The following NBAS variants were observed in gnomAD, a reference collection of about 807,000 sequenced individuals.
NBAS encodes NBAS subunit of NRZ tethering complex.
A neutral mutation model predicts 302.5 loss-of-function variants in NBAS; 219 were observed. That is an observed-to-expected ratio of 0.72 (90% CI 0.65 to 0.81). The LOEUF (loss-of-function observed/expected upper bound fraction) is 0.81, where lower values mean the gene tolerates loss of function less well. NBAS is among the 30% of genes least tolerant of loss of function. NBAS has a pLI of 0.00. For synonymous variants in NBAS, 1,118 were observed against 1,021.6 expected (o/e 1.09, Z -1.80); for missense variants, 2,932 against 2,841.6 (o/e 1.03, Z -0.72).
At chr2:15,190,990 T>C (rs1234444789) in intron 48 of NBAS, among the ~76,000 whole-genome samples, 2 of 152,168 alleles carry the variant, frequency 1.3e-5, no homozygotes, top group African/African-American at 2.4e-5. Flanking sequence ...TTTCATTGAA[T>C]AACTAAACGA....
intron 49 of NBAS, 62 bp downstream of exon 49, chr2:15,190,201 AT>A: frequency 6.3e-7 from 1 of 1,584,408 alleles, no homozygotes; most frequent in South Asian, 1.1e-5. Flanking sequence ...AAGGTGCTAC[AT>A]TTTTAGGGCT....
intron 6 of NBAS, among the ~76,000 whole-genome samples, chr2:15,543,118 T>G (rs1281657573): frequency 6.6e-6 from 1 of 152,216 alleles, no homozygotes; most frequent in Admixed American, 6.5e-5. Flanking sequence ...ACACTGATGG[T>G]AAAAGTTAAC....
At chr2:15,234,514 GT>G (rs1667506822) in intron 46 of NBAS, 30 bp downstream of exon 46, 1 of 1,608,264 alleles carries the variant, frequency 6.2e-7, no homozygotes. Context: ...TGTCACCCCA[GT>G]TTTTCCACAA....
At chr2:15,442,966 C>A (rs1475953979) in intron 21 of NBAS, among the ~76,000 whole-genome samples, 5 of 152,286 alleles carry the variant, frequency 3.3e-5, no homozygotes, top group African/African-American at 1.2e-4. Flanking sequence ...GAAGTCGAAT[C>A]TCTGAATAGA....
chr2:15,529,739 A>C (rs1471010539), intron 9 of NBAS, among the ~76,000 whole-genome samples: 2 of 152,180 alleles, frequency 1.3e-5, no homozygotes, highest in African/African-American at 4.8e-5. Context: ...AGTCTATCCC[A>C]TTTCTAACAG....
chr2:15,041,839 A>AT, the NBAS span, among the ~76,000 whole-genome samples: 1 of 151,856 alleles, frequency 6.6e-6, no homozygotes, highest in Admixed American at 6.6e-5. Context: ...TTGGTGTTCT[A>AT]TTTTTTTCTT....
At chr2:14,810,251 G>C in the NBAS span, among the ~76,000 whole-genome samples, 3 of 152,150 alleles carry the variant, frequency 2.0e-5, no homozygotes, top group Non-Finnish European at 4.4e-5. Context: ...CCAGGGGCAG[G>C]ATGATATGGT....
chr2:15,067,383 A>AGGAGGGGAGG, the NBAS span, among the ~76,000 whole-genome samples: 7 of 60,862 alleles, frequency 1.2e-4, no homozygotes, highest in African/African-American at 5.3e-4. Context: ...AGGAGAGGAG[A>AGGAGGGGAGG]GGAGGGGAGG....
chr2:14,954,718 G>A, the NBAS span, among the ~76,000 whole-genome samples: 1 of 152,106 alleles, frequency 6.6e-6, no homozygotes, highest in Admixed American at 6.5e-5. Context: ...AGCAAAAGGG[G>A]AAGCCCCTTA....
At chr2:15,240,446 C>CAAA (rs1175235771) in intron 44 of NBAS, among the ~76,000 whole-genome samples, 13,807 of 75,010 alleles carry the variant, frequency 0.18, 905 homozygotes, top group East Asian at 0.32. Context: ...ACTAAAAATA[C>CAAA]AAAAAAAAAA....
rs115633905 is a variant in NBAS at position 15,479,464 on chromosome 2, C to T, written c.1084-1175G>A. On this transcript the variant is annotated intron_variant, in intron 12 of 51. Coordinates refer to ENST00000281513, the MANE Select transcript of NBAS (RefSeq NM_015909.4). ...CCACATGCATGCCACCATGTATTTA[C>T]GTGGCACATGTACCTTCCTACTTAC... is the stretch of plus-strand genomic sequence containing the variant. Among the ~76,000 whole-genome samples the T allele has an allele frequency of 6.1e-3, 924 of 152,198 alleles. 10 individuals are homozygous for T. The highest frequency in any genetic ancestry group is 0.02 in the African/African-American group (831 of 41,516).
intron 44 of NBAS, among the ~76,000 whole-genome samples, chr2:15,268,357 G>C (rs886262898): frequency 3.3e-5 from 5 of 152,220 alleles, no homozygotes; most frequent in Non-Finnish European, 5.9e-5. Context: ...GGTTACGGAG[G>C]CTCTGAGAGT....
In NBAS at chr2:15,473,166, C is replaced by A. The variant is rs910477910; in HGVS notation, c.1725+56G>T. On this transcript the variant is annotated intron_variant, in intron 16 of 51. Coordinates refer to ENST00000281513, the MANE Select transcript of NBAS (RefSeq NM_015909.4). ...GTACTCTAAAATGAAGCCCTATAAA[C>A]AAAAGATATTACATGAATATACATT... 92 of 1,588,836 alleles carry A rather than the reference C, an allele frequency of 5.8e-5. No individual in the cohort carries two copies. The African/African-American group carries it at 1.0e-3, about 18-fold the overall frequency.
At chr2:15,093,246 T>C in the NBAS span, among the ~76,000 whole-genome samples, 1 of 152,096 alleles carries the variant, frequency 6.6e-6, no homozygotes, top group Non-Finnish European at 1.5e-5. Context: ...TAAAACCCCG[T>C]CTCTACTAAA....
chr2:15,113,581 G>C, the NBAS span, among the ~76,000 whole-genome samples: 4 of 151,948 alleles, frequency 2.6e-5, no homozygotes, highest in Non-Finnish European at 5.9e-5. Flanking sequence ...GATTCTCCCT[G>C]GCCAAAGATT....
At chr2:15,212,722 A>G (rs750641695) in intron 48 of NBAS, among the ~76,000 whole-genome samples, 3 of 152,194 alleles carry the variant, frequency 2.0e-5, no homozygotes, top group Non-Finnish European at 4.4e-5. Context: ...AGTTCTCACA[A>G]GATCTGATGG....
the NBAS span, among the ~76,000 whole-genome samples, chr2:14,851,398 A>C: frequency 6.6e-6 from 1 of 152,048 alleles, no homozygotes; most frequent in Admixed American, 6.5e-5. Context: ...TGAATCTCTG[A>C]ATAGACTAAA....
chr2:15,295,013 T>C (rs548186763), intron 40 of NBAS, among the ~76,000 whole-genome samples: 1 of 152,336 alleles, frequency 6.6e-6, no homozygotes, highest in Non-Finnish European at 1.5e-5. Context: ...CCCCTACTCA[T>C]AGAACCAGCT....
At chr2:14,819,727 C>A in the NBAS span, among the ~76,000 whole-genome samples, 1 of 152,214 alleles carries the variant, frequency 6.6e-6, no homozygotes, top group African/African-American at 2.4e-5. Context: ...GGAGAGGCAA[C>A]CCACAGAATG....
Sources: gnomAD v4.1 joint callset for allele counts (sites outside exome capture counted in the v4.1 genomes callset) on GRCh38, gnomAD v4.1.1 for gene constraint, MANE v1.5 for transcripts, NCBI Gene and HGNC (gene_info 2026-07-23, HGNC 2026-07-21) for gene names.